Variants in RFC3 observed in about 807,000 individuals in gnomAD.
RFC3 encodes A1 38 kDa subunit.
A neutral mutation model predicts 45.1 loss-of-function variants in RFC3; 41 were observed. The ratio of observed to expected loss-of-function variants is 0.91; its 90% confidence interval spans 0.71 to 1.18. The LOEUF (loss-of-function observed/expected upper bound fraction) is 1.18, where lower values mean the gene tolerates loss of function less well. Ranked by LOEUF, RFC3 falls within the 50% of genes most tolerant of loss-of-function variation. The pLI, the probability that RFC3 is intolerant of heterozygous loss-of-function variation, is 0.00. For synonymous variants in RFC3, 149 were observed against 144.0 expected (o/e 1.03, Z -0.25); for missense variants, 423 against 428.1 (o/e 0.99, Z 0.10).
At chr13:33,893,734 A>G (rs2137641885) in intron 8 of RFC3, among the ~76,000 whole-genome samples, 1 of 152,236 alleles carries the variant, frequency 6.6e-6, no homozygotes, top group South Asian at 2.1e-4. Context: ...CATTTGCTGA[A>G]TTGAAAAATT....
chr13:33,862,438 T>G (rs2082347042), intron 8 of RFC3, among the ~76,000 whole-genome samples: 1 of 152,140 alleles, frequency 6.6e-6, no homozygotes, highest in Non-Finnish European at 1.5e-5. Context: ...TTATGCAACT[T>G]TTTCCATTAA....
In RFC3 at chr13:33,830,867, G is replaced by C. The variant is rs1410322052; in HGVS notation, c.710+12G>C. ...TGCAGAGTGCAACAGTGAGTGGAAGGGGTAGTTACATTCTAGGACTTTGGC... is the reference window on the plus strand; with the variant it reads ...TGCAGAGTGCAACAGTGAGTGGAAGCGGTAGTTACATTCTAGGACTTTGGC... On this transcript the variant is annotated intron_variant, in intron 6 of 8. Coordinates refer to ENST00000380071, the MANE Select transcript of RFC3 (RefSeq NM_002915.4). 1.2e-6 allele frequency: 2 copies of C among 1,606,064 alleles called. No homozygotes were observed. Among genetic ancestry groups the C allele is most frequent in the Admixed American group, 3.4e-5 (2 of 58,274 alleles).
At chr13:33,899,204 C>CAAAAAAAAATAAAA (rs2082621868) in intron 8 of RFC3, among the ~76,000 whole-genome samples, 1 of 51,968 alleles carries the variant, frequency 1.9e-5, no homozygotes, top group Non-Finnish European at 3.6e-5. Flanking sequence ...CACAATAAGA[C>CAAAAAAAAATAAAA]AAAAAAAAAA....
intron 8 of RFC3, among the ~76,000 whole-genome samples, chr13:33,872,178 A>G (rs1412804850): frequency 6.6e-6 from 1 of 152,138 alleles, no homozygotes; most frequent in Non-Finnish European, 1.5e-5. Context: ...CTTATTCATA[A>G]TCTTAAATAC....
chr13:33,887,124 A>T (rs2082530963), intron 8 of RFC3, among the ~76,000 whole-genome samples: 1 of 145,250 alleles, frequency 6.9e-6, no homozygotes, highest in South Asian at 2.3e-4. Context: ...TAGCAGCATG[A>T]TTTATAGTCC....
chr13:33,930,293 T>C (rs1000869639), intron 8 of RFC3, among the ~76,000 whole-genome samples: 1 of 152,032 alleles, frequency 6.6e-6, no homozygotes, highest in Non-Finnish European at 1.5e-5. Context: ...ACCTCAAAAG[T>C]AGGGAAGCTG....
In RFC3 at chr13:33,887,717, G is replaced by A. The variant is rs202096861; in HGVS notation, c.879+52500G>A. Among the ~76,000 whole-genome samples, 34 of 152,188 alleles carry A rather than the reference G, an allele frequency of 2.2e-4. No homozygotes were observed. The East Asian group carries it at 4.1e-3, about 18-fold the overall frequency. On this transcript the variant is annotated intron_variant, in intron 8 of 8. Coordinates refer to the RFC3 transcript ENST00000434425. Reference sequence around the variant, plus strand: ...AAGTCCTTGCCCATGCCTATGTCCTGAATGGTAATGCCTAGGTTTTCTTCT... The same window carrying A: ...AAGTCCTTGCCCATGCCTATGTCCTAAATGGTAATGCCTAGGTTTTCTTCT...
intron 8 of RFC3, chr13:33,850,439 A>G (rs560753874): frequency 3.6e-5 from 5 of 139,654 alleles, no homozygotes; most frequent in Middle Eastern, 4.8e-3. Context: ...ACATCATACA[A>G]CAGGTTATGA....
chr13:33,883,051 C>A (rs2082495566), intron 8 of RFC3, among the ~76,000 whole-genome samples: 1 of 152,154 alleles, frequency 6.6e-6, no homozygotes, highest in African/African-American at 2.4e-5. Flanking sequence ...CTTTTGGCAA[C>A]TACATAAAAA....
At chr13:33,899,415 A>G (rs1343890438) in intron 8 of RFC3, among the ~76,000 whole-genome samples, 2 of 151,814 alleles carry the variant, frequency 1.3e-5, no homozygotes, top group Non-Finnish European at 2.9e-5. Context: ...TCATATCAAC[A>G]GACAAAGATT....
chr13:33,867,857 G>C (rs2082383753), intron 8 of RFC3, among the ~76,000 whole-genome samples: 1 of 152,140 alleles, frequency 6.6e-6, no homozygotes, highest in South Asian at 2.1e-4. Flanking sequence ...TGTATACATT[G>C]GTATATTTTG....
At chr13:33,947,092 T>C (rs1397466268) in intron 8 of RFC3, among the ~76,000 whole-genome samples, 2 of 152,226 alleles carry the variant, frequency 1.3e-5, no homozygotes, top group African/African-American at 4.8e-5. Flanking sequence ...ATCAAGCTTA[T>C]AATGCAACAT....
At chr13:33,939,239 C>T (rs2082908687) in intron 8 of RFC3, among the ~76,000 whole-genome samples, 1 of 152,062 alleles carries the variant, frequency 6.6e-6, no homozygotes, top group Non-Finnish European at 1.5e-5. Flanking sequence ...TCCAATTTAT[C>T]CATCCCACCT....
At chr13:33,863,074 G>T (rs2082351611) in intron 8 of RFC3, among the ~76,000 whole-genome samples, 1 of 152,110 alleles carries the variant, frequency 6.6e-6, no homozygotes, top group South Asian at 2.1e-4. Context: ...TGTTTTGCTG[G>T]TTAGTTGGTT....
chr13:33,894,047 A>G (rs2082580766), intron 8 of RFC3, among the ~76,000 whole-genome samples: 2 of 152,210 alleles, frequency 1.3e-5, no homozygotes, highest in Admixed American at 1.3e-4. Flanking sequence ...TGTCTCTTCC[A>G]CTTGGAAAGA....
downstream of RFC3, among the ~76,000 whole-genome samples, chr13:33,968,300 G>T (rs1476127048): frequency 6.6e-6 from 1 of 152,088 alleles, no homozygotes; most frequent in Non-Finnish European, 1.5e-5. Flanking sequence ...GCTAATTTTT[G>T]TAATTTTCGT....
chr13:33,895,598 G>T (rs1227993337), intron 8 of RFC3, among the ~76,000 whole-genome samples: 3 of 152,088 alleles, frequency 2.0e-5, no homozygotes, highest in African/African-American at 7.2e-5. Context: ...TAAAGGTCTG[G>T]ATATTTCTCT....
intron 8 of RFC3, among the ~76,000 whole-genome samples, chr13:33,950,349 T>C (rs1335251733): frequency 1.3e-5 from 2 of 152,138 alleles, no homozygotes; most frequent in African/African-American, 2.4e-5. Context: ...AACTAGCAGT[T>C]TTAGCTAACA....
chr13:33,886,327 A>G (rs1323881107), intron 8 of RFC3, among the ~76,000 whole-genome samples: 1 of 152,136 alleles, frequency 6.6e-6, no homozygotes, highest in African/African-American at 2.4e-5. Flanking sequence ...TGGGAGGATC[A>G]CAAGGTCAGG....
Sources: allele counts gnomAD v4.1 joint callset (sites outside exome capture counted in the v4.1 genomes callset), GRCh38; gene constraint gnomAD v4.1.1; transcripts MANE v1.5; gene names NCBI Gene and HGNC (gene_info 2026-07-23, HGNC 2026-07-21).